The following ACSM2B variants were observed in gnomAD, a reference collection of about 807,000 sequenced individuals.
The protein encoded by ACSM2B is acyl-CoA synthetase medium chain family member 2B.
ACSM2B carries 58 observed loss-of-function variants against 78.6 expected under a neutral mutation model. The observed-to-expected ratio is 0.74, with a 90% CI of 0.60 to 0.92. ACSM2B has a LOEUF of 0.92. Ranked by LOEUF, ACSM2B falls within the 40% of genes least tolerant of loss-of-function variation. The probability of loss-of-function intolerance (pLI) is 0.00; values close to 1 mark genes in which losing one functional copy is unlikely to be tolerated. For synonymous variants in ACSM2B, 257 were observed against 256.8 expected, an observed-to-expected ratio of 1.00 and a Z score of -0.01; for missense variants, 688 against 711.2, an observed-to-expected ratio of 0.97 and a Z score of 0.37.
rs35984880 is a variant in ACSM2B at position 20,558,050 on chromosome 16, G to C, written c.388+1187C>G. On this transcript the variant is annotated intron_variant, in intron 3 of 13. Coordinates refer to ENST00000329697, the MANE Select transcript of ACSM2B (RefSeq NM_001105069.2). ...CTGCCTTTGGAAAAATAACAAATTT[G>C]TCACAAGGCTAGAATTATAGTTCAG... is the stretch of plus-strand genomic sequence containing the variant. 8.0e-3 allele frequency among the ~76,000 whole-genome samples: 1,224 copies of C among 152,278 alleles called. 13 individuals carry two copies. The highest frequency in any genetic ancestry group is 0.013 in the Non-Finnish European group (869 of 68,012).
At position 20,537,021 on chromosome 16, in the gene ACSM2B, G is replaced by A. The variant is rs62035052; in HGVS notation, c.*237C>T. On this transcript the variant is annotated 3_prime_UTR_variant, in exon 14 of 14. Coordinates refer to ENST00000329697, the MANE Select transcript of ACSM2B (RefSeq NM_001105069.2). The stretch of plus-strand genomic sequence containing the variant: ...CTCTTGCAGTTTTTAACATTTCCCT[G>A]ACTTACTTTTCTTTCCTCTTTTTCT... 95 of 414,650 alleles carry A rather than the reference G, an allele frequency of 2.3e-4. No individual in the cohort carries two copies. Among genetic ancestry groups the A allele is most frequent in the Non-Finnish European group, 3.8e-4 (91 of 239,592 alleles). 25.7% of individuals were successfully genotyped at this position (414,650 alleles called of 1,614,324 possible).
intron 1 of ACSM2B, among the ~76,000 whole-genome samples, chr16:20,567,640 A>C (rs1365795624): frequency 7.3e-6 from 1 of 137,052 alleles, no homozygotes; most frequent in Non-Finnish European, 1.5e-5. Context: ...CTATATCTAT[A>C]TATACTATGC....
intron 2 of ACSM2B, among the ~76,000 whole-genome samples, chr16:20,561,975 T>TG: frequency 6.8e-6 from 1 of 147,694 alleles, no homozygotes. Flanking sequence ...TTGGTTTTTT[T>TG]GTCCTTGCCA....
At position 20,548,482 on chromosome 16, in the gene ACSM2B, C is replaced by A. The variant is rs2015211600; in HGVS notation, c.895-9G>T. ...GGATAACTGGAGAGTGTCTGGAAGA[C>A]AAGAGCCAGGTGAGACATTGGTCAC... On this transcript the variant is annotated splice_polypyrimidine_tract_variant and intron_variant, in intron 6 of 13. Coordinates refer to ENST00000329697, the MANE Select transcript of ACSM2B (RefSeq NM_001105069.2). The A allele has an allele frequency of 1.2e-6, 2 of 1,613,422 alleles. No homozygotes were observed. Among genetic ancestry groups the A allele is most frequent in the African/African-American group, 1.3e-5 (1 of 74,812 alleles).
intron 9 of ACSM2B, among the ~76,000 whole-genome samples, chr16:20,545,875 G>T (rs562841368): frequency 6.6e-6 from 1 of 152,100 alleles, no homozygotes; most frequent in Non-Finnish European, 1.5e-5. Flanking sequence ...AACAACAAGA[G>T]AAAGCAATAA....
intron 2 of ACSM2B, among the ~76,000 whole-genome samples, chr16:20,560,947 T>G (rs955487928): frequency 6.6e-6 from 1 of 152,108 alleles, no homozygotes; most frequent in Non-Finnish European, 1.5e-5. Context: ...ATTGTGTTCA[T>G]AGCCTAGTGA....
chr16:20,565,106 C>G (rs1016993398), intron 1 of ACSM2B, among the ~76,000 whole-genome samples: 5 of 152,088 alleles, frequency 3.3e-5, no homozygotes, highest in African/African-American at 1.2e-4. Flanking sequence ...TTGTTAACAC[C>G]CATTTCCATA....
At chr16:20,547,965 A>C in intron 8 of ACSM2B, 97 bp downstream of exon 8, 2 of 1,569,036 alleles carry the variant, frequency 1.3e-6, no homozygotes, top group Non-Finnish European at 1.7e-6. Context: ...TTCTCAAATA[A>C]ATGAATGATA....
At chr16:20,556,359 T>C (rs575383194) in intron 3 of ACSM2B, among the ~76,000 whole-genome samples, 245 of 152,322 alleles carry the variant, frequency 1.6e-3, no homozygotes, top group African/African-American at 5.7e-3. Flanking sequence ...CCTGGCACTT[T>C]TGGAGGCCAA....
intron 1 of ACSM2B, among the ~76,000 whole-genome samples, chr16:20,565,767 T>C (rs918865493): frequency 1.3e-5 from 2 of 152,064 alleles, no homozygotes; most frequent in African/African-American, 4.8e-5. Context: ...CAGTATACAC[T>C]TAACAGTACA....
chr16:20,549,532 A>G (rs1245550994), intron 6 of ACSM2B: 2 of 200,780 alleles, frequency 1.0e-5, no homozygotes, highest in African/African-American at 2.4e-5. Flanking sequence ...ATGAGGCCCA[A>G]TCATCTCTTA....
In ACSM2B at chr16:20,575,775, A is replaced by G. The variant is rs1167467792; in HGVS notation, c.-9+432T>C. On this transcript the variant is annotated intron_variant, in intron 1 of 13. Transcript: ENST00000329697. ...ATTGACACTCAGTATTAACCATCAC[A>G]GTGTCTGACATTTCTGTCTCCTTTT... 8.0e-5 allele frequency: 12 copies of G among 149,442 alleles called. No individual in the cohort carries two copies. The East Asian group carries it at 1.5e-3, about 19-fold the overall frequency. The allele number at this position is 149,442 out of a possible 1,614,324, so 9.3% of individuals were successfully genotyped here.
chr16:20,552,692 ATAGAACTTTGCTTCT>A (rs1421703578), intron 5 of ACSM2B, among the ~76,000 whole-genome samples: 1 of 152,206 alleles, frequency 6.6e-6, no homozygotes, highest in Non-Finnish European at 1.5e-5. Context: ...GTTTGGCTGA[ATAGAACTTTGCTTCT>A]CTTTTCTTTA....
At chr16:20,566,507 ATATAT>A (rs1196423487) in intron 1 of ACSM2B, among the ~76,000 whole-genome samples, 18 of 115,048 alleles carry the variant, frequency 1.6e-4, no homozygotes, top group Non-Finnish European at 3.0e-4. Flanking sequence ...TACTATATCT[ATATAT>A]TATATTACAA....
At chr16:20,543,874 G>A (rs1159597948) in intron 10 of ACSM2B, among the ~76,000 whole-genome samples, 6 of 152,172 alleles carry the variant, frequency 3.9e-5, no homozygotes, top group Non-Finnish European at 8.8e-5. Context: ...ATATATGGTG[G>A]CATAAAGAAT....
intron 1 of ACSM2B, among the ~76,000 whole-genome samples, chr16:20,567,871 ATATAC>A (rs1359123964): frequency 7.0e-6 from 1 of 142,766 alleles, no homozygotes; most frequent in East Asian, 2.0e-4. Flanking sequence ...ATATATAGAT[ATATAC>A]TATACTATTA....
intron 5 of ACSM2B, among the ~76,000 whole-genome samples, chr16:20,552,610 C>A (rs1244332858): frequency 6.6e-6 from 1 of 152,112 alleles, no homozygotes; most frequent in Non-Finnish European, 1.5e-5. Context: ...ATGTGGTAAC[C>A]ACCCAGGAAA....
chr16:20,547,619 G>A (rs1474537047), intron 8 of ACSM2B: 1 of 1,003,672 alleles, frequency 1.0e-6, no homozygotes, highest in Non-Finnish European at 1.2e-6. Context: ...AAGCCATGGT[G>A]GGTTCTTCTT....
chr16:20,549,162 G>T (rs189270247), intron 6 of ACSM2B, among the ~76,000 whole-genome samples: 1 of 152,250 alleles, frequency 6.6e-6, no homozygotes, highest in African/African-American at 2.4e-5. Context: ...ATCATTATTT[G>T]CAGCATGTAT....
Sources: allele counts gnomAD v4.1 joint callset (sites outside exome capture counted in the v4.1 genomes callset), GRCh38; gene constraint gnomAD v4.1.1; transcripts MANE v1.5; gene names NCBI Gene and HGNC (gene_info 2026-07-23, HGNC 2026-07-21).